Variants in HMGB1 observed in about 807,000 individuals in gnomAD.
HMGB1 encodes high mobility group protein B1.
For synonymous variants in HMGB1, 81 were observed against 84.0 expected (o/e 0.96, Z 0.19); for missense variants, 79 against 253.5 (o/e 0.31, Z 4.67).
chr13:30,468,484 C>G (rs987506308), upstream of HMGB1, among the ~76,000 whole-genome samples: 5 of 152,124 alleles, frequency 3.3e-5, no homozygotes, highest in African/African-American at 1.2e-4. Context: ...GAACTCTTGA[C>G]CTCAGGTGAT....
Position 30,476,483 on chromosome 13 carries a change from G to C in HMGB1, c.-14-12789C>G, listed in dbSNP as rs1454032713. ...AGGAAGAGAGTGGCTGTGCTGCCAA[G>C]AGAGGATGTCTTATGGCCCAGACAA... is the stretch of plus-strand genomic sequence containing the variant. On this transcript the variant is annotated intron_variant, in intron 1 of 4. Coordinates refer to the HMGB1 transcript ENST00000405805. Among the ~76,000 whole-genome samples the C allele has an allele frequency of 9.9e-5, 15 of 152,270 alleles. No homozygotes were observed. In the East Asian group the frequency reaches 1.9e-3, roughly 20 times the overall value.
In HMGB1 at chr13:30,460,232, G is replaced by T. The variant is rs970969697; in HGVS notation, c.*1125C>A. ...TTATAAAGGGGCAAACCGTAATATA[G>T]GAAAATATACCCTATTTTGAATGTG... On this transcript the variant is annotated 3_prime_UTR_variant, in exon 5 of 5. Coordinates refer to ENST00000341423, the MANE Select transcript of HMGB1 (RefSeq NM_002128.7). The T allele has an allele frequency of 6.6e-5, 10 of 152,132 alleles. No homozygotes were observed. The highest frequency in any genetic ancestry group is 1.5e-4 in the Non-Finnish European group (10 of 67,920). The allele number at this position is 152,132 out of a possible 1,614,324, so 9.4% of individuals were successfully genotyped here.
intron 1 of HMGB1, among the ~76,000 whole-genome samples, chr13:30,474,888 C>T (rs1440008652): frequency 5.9e-5 from 8 of 136,080 alleles, no homozygotes; most frequent in African/African-American, 1.9e-4. Context: ...CTTGCTCTTT[C>T]GCCTAGGCTG....
chr13:30,538,497 T>TCTTTCTTTCTCTTTC (rs1868588184), intron 1 of HMGB1, among the ~76,000 whole-genome samples: 1 of 46,880 alleles, frequency 2.1e-5, no homozygotes, highest in African/African-American at 8.0e-5. Flanking sequence ...TTTCTTTCTT[T>TCTTTCTTTCTCTTTC]CTTTCTTTCT....
At chr13:30,532,978 T>C (rs1452842597) in intron 1 of HMGB1, among the ~76,000 whole-genome samples, 5 of 152,200 alleles carry the variant, frequency 3.3e-5, no homozygotes, top group Non-Finnish European at 5.9e-5. Context: ...AAATAGGTGT[T>C]ATTTCCCCCA....
intron 1 of HMGB1, among the ~76,000 whole-genome samples, chr13:30,508,292 CGCT>C (rs1566010022): frequency 6.6e-6 from 1 of 151,884 alleles, no homozygotes; most frequent in East Asian, 1.9e-4. Context: ...CAGGCAGATC[CGCT>C]GAGGCCAGGA....
chr13:30,512,800 T>C (rs1022446676), intron 1 of HMGB1, among the ~76,000 whole-genome samples: 6 of 152,182 alleles, frequency 3.9e-5, no homozygotes, highest in Admixed American at 1.3e-4. Flanking sequence ...GGGGCCTCTG[T>C]GTGGACAGTC....
chr13:30,511,793 T>C (rs1221122240), intron 1 of HMGB1, among the ~76,000 whole-genome samples: 3 of 152,126 alleles, frequency 2.0e-5, no homozygotes, highest in Non-Finnish European at 4.4e-5. Flanking sequence ...GCCCCAAACA[T>C]TGATTTCATC....
At chr13:30,607,783 C>T (rs1482583205) in intron 1 of HMGB1, among the ~76,000 whole-genome samples, 1 of 152,164 alleles carries the variant, frequency 6.6e-6, no homozygotes, top group African/African-American at 2.4e-5. Context: ...CATATTCTCA[C>T]AGCCTAATCT....
intron 3 of HMGB1, among the ~76,000 whole-genome samples, chr13:30,462,944 A>G (rs1886451502): frequency 6.6e-6 from 1 of 152,198 alleles, no homozygotes; most frequent in Non-Finnish European, 1.5e-5. Flanking sequence ...CACTATTTCA[A>G]AGGGATAGTA....
At chr13:30,560,857 T>A (rs1869918470) in intron 1 of HMGB1, among the ~76,000 whole-genome samples, 1 of 152,134 alleles carries the variant, frequency 6.6e-6, no homozygotes, top group African/African-American at 2.4e-5. Context: ...ACTGATGGGT[T>A]GAAGAGCGAT....
chr13:30,481,821 G>A (rs1887234463), intron 1 of HMGB1, among the ~76,000 whole-genome samples: 1 of 152,106 alleles, frequency 6.6e-6, no homozygotes, highest in Non-Finnish European at 1.5e-5. Flanking sequence ...CCAGCTCCAT[G>A]TAGGTATTCT....
intron 1 of HMGB1, among the ~76,000 whole-genome samples, chr13:30,492,643 G>C (rs1025467902): frequency 1.3e-5 from 2 of 152,160 alleles, no homozygotes; most frequent in African/African-American, 4.8e-5. Flanking sequence ...ATGTACAACT[G>C]CTGATAGGAA....
intron 1 of HMGB1, among the ~76,000 whole-genome samples, chr13:30,602,762 A>G (rs1950415291): frequency 6.6e-6 from 1 of 152,216 alleles, no homozygotes; most frequent in Admixed American, 6.5e-5. Context: ...TTCCTCAAGA[A>G]CAAATGACCT....
chr13:30,549,870 T>A (rs1460360294), intron 1 of HMGB1, among the ~76,000 whole-genome samples: 1 of 151,974 alleles, frequency 6.6e-6, no homozygotes, highest in Non-Finnish European at 1.5e-5. Flanking sequence ...GCGCCCGCCA[T>A]CACGCCTGGC....
At chr13:30,617,104 G>C in exon 1 of HMGB1, 1 of 152,324 alleles carries the variant, frequency 6.6e-6, no homozygotes, top group East Asian at 1.9e-4. Flanking sequence ...TTTCTCTGAA[G>C]TTAAAACAAG....
intron 1 of HMGB1, among the ~76,000 whole-genome samples, chr13:30,564,228 T>C (rs1054182296): frequency 1.4e-5 from 2 of 143,468 alleles, no homozygotes; most frequent in African/African-American, 5.2e-5. Flanking sequence ...AGCCCAGGAG[T>C]TCAAGACCAG....
At chr13:30,479,245 T>C (rs1461914414) in intron 1 of HMGB1, among the ~76,000 whole-genome samples, 1 of 152,228 alleles carries the variant, frequency 6.6e-6, no homozygotes, top group African/African-American at 2.4e-5. Context: ...TTTGCTTCTC[T>C]TCTGCTCTCT....
chr13:30,522,038 A>G (rs925730114), intron 1 of HMGB1, among the ~76,000 whole-genome samples: 1 of 152,152 alleles, frequency 6.6e-6, no homozygotes, highest in Admixed American at 6.5e-5. Context: ...TGAAACAAAC[A>G]TTAAGAGTAA....
Sources: allele counts gnomAD v4.1 joint callset (sites outside exome capture counted in the v4.1 genomes callset), GRCh38; gene constraint gnomAD v4.1.1; transcripts MANE v1.5; gene names NCBI Gene and HGNC (gene_info 2026-07-23, HGNC 2026-07-21).